PRKCH: variants seen among roughly 807,000 people sequenced by gnomAD.
PRKCH encodes protein kinase C eta.
Under a neutral mutation model 82.5 loss-of-function variants are expected in PRKCH, and 28 were observed. The ratio of observed to expected loss-of-function variants is 0.34; its 90% CI spans 0.25 to 0.47. The LOEUF (loss-of-function observed/expected upper bound fraction) is 0.47, where lower values mean the gene tolerates loss of function less well. Ranked by LOEUF, PRKCH falls within the 20% of genes least tolerant of loss-of-function variation. The pLI, the probability that PRKCH is intolerant of heterozygous loss-of-function variation, is 1.00. For synonymous variants in PRKCH, 322 were observed against 327.4 expected, an observed-to-expected ratio of 0.98 and a Z score of 0.18; for missense variants, 705 against 881.8, an observed-to-expected ratio of 0.80 and a Z score of 2.54.
At chr14:61,520,868 A>G (rs553877901) in intron 10 of PRKCH, among the ~76,000 whole-genome samples, 61 of 152,246 alleles carry the variant, frequency 4.0e-4, no homozygotes, top group Non-Finnish European at 7.2e-4. Context: ...GCCCTTTGAT[A>G]TGGCATTTCT....
At chr14:61,504,301 G>C (rs916854217) in intron 10 of PRKCH, among the ~76,000 whole-genome samples, 1 of 151,966 alleles carries the variant, frequency 6.6e-6, no homozygotes, top group Admixed American at 6.6e-5. Context: ...CCATTTTCCT[G>C]CTTCAGCCTC....
intron 10 of PRKCH, among the ~76,000 whole-genome samples, chr14:61,512,227 CT>C (rs746273718): frequency 2.7e-5 from 4 of 146,776 alleles, no homozygotes; most frequent in African/African-American, 5.1e-5. Flanking sequence ...CATCCTGAAA[CT>C]GGGCAGATGA....
intron 2 of PRKCH, among the ~76,000 whole-genome samples, chr14:61,427,703 C>T (rs1055057182): frequency 1.6e-4 from 25 of 152,096 alleles, no homozygotes; most frequent in African/African-American, 6.0e-4. Flanking sequence ...CCTTCTGCCT[C>T]AGCTGCCCAA....
chr14:61,549,922 C>T lies in PRKCH; in HGVS notation c.*91C>T. 7.1e-7 allele frequency: 1 copy of T among 1,401,932 alleles called. No individual in the cohort carries two copies. The allele number at this position is 1,401,932 out of a possible 1,614,324, so 86.8% of individuals were successfully genotyped here. A position where few individuals can be genotyped will look rare whatever the true frequency, so the allele number is the denominator to read the frequency against. On this transcript the variant is annotated 3_prime_UTR_variant, in exon 14 of 14. Transcript: ENST00000332981. The stretch of plus-strand genomic sequence containing the variant: ...TCTATGGGACCTTCCCAGCATCAGC[C>T]TTAGAACAAGAACCTTACCTTCAAG...
chr14:61,499,917 A>G (rs556006593), intron 10 of PRKCH, among the ~76,000 whole-genome samples: 1 of 151,650 alleles, frequency 6.6e-6, no homozygotes, highest in Non-Finnish European at 1.5e-5. Context: ...CTCTTACAAG[A>G]AAGCTGTGGA....
chr14:61,329,920 C>T (rs72728008), intron 1 of PRKCH, among the ~76,000 whole-genome samples: 8,633 of 152,174 alleles, frequency 0.057, 362 homozygotes, highest in Non-Finnish European at 0.074. Flanking sequence ...AAGATTCATC[C>T]GCTTGGCTCT....
At chr14:61,455,308 G>A (rs1178366714) in intron 7 of PRKCH, among the ~76,000 whole-genome samples, 2 of 151,734 alleles carry the variant, frequency 1.3e-5, no homozygotes, top group African/African-American at 4.8e-5. Flanking sequence ...CCAACGTGCT[G>A]GGATTACAGG....
chr14:61,341,310 G>A (rs536912306), intron 1 of PRKCH, among the ~76,000 whole-genome samples: 250 of 152,300 alleles, frequency 1.6e-3, no homozygotes, highest in African/African-American at 5.8e-3. Flanking sequence ...ATAAATGTTG[G>A]AGGAGGAAGG....
intron 1 of PRKCH, among the ~76,000 whole-genome samples, chr14:61,266,742 TA>T (rs1386928699): frequency 6.6e-6 from 1 of 152,230 alleles, no homozygotes. Context: ...TATATGCTGC[TA>T]ATGCACTTAT....
At chr14:61,289,017 A>G (rs2045338705) in intron 1 of PRKCH, among the ~76,000 whole-genome samples, 1 of 152,182 alleles carries the variant, frequency 6.6e-6, no homozygotes, top group Admixed American at 6.5e-5. Context: ...CAGGCAGGCC[A>G]TCTTCAGCAA....
chr14:61,198,256 T>C (rs1382361435), intron 1 of PRKCH, among the ~76,000 whole-genome samples: 1 of 152,194 alleles, frequency 6.6e-6, no homozygotes, highest in Non-Finnish European at 1.5e-5. Context: ...ACTGAATACA[T>C]TGTCCTTCAT....
At chr14:61,261,337 A>G (rs1234272177) in intron 1 of PRKCH, among the ~76,000 whole-genome samples, 1 of 152,234 alleles carries the variant, frequency 6.6e-6, no homozygotes, top group Non-Finnish European at 1.5e-5. Context: ...GCTGTATGAG[A>G]AACAGATGTA....
Position 61,280,068 on chromosome 14 carries a change from G to C in PRKCH, c.-19+92400G>C, listed in dbSNP as rs761089733. ...CTTGCAAGAGTTTTGGCAAGAAGCA[G>C]GAGGGATCCCTGGAAAGCCGGAATC... On this transcript the variant is annotated intron_variant, in intron 1 of 3. Transcript: ENST00000555185. The surrounding 1 kb of genome is among the most constrained non-coding windows in gnomAD (Gnocchi z 5.0). 5 of 1,582,780 alleles carry C rather than the reference G, an allele frequency of 3.2e-6. No homozygotes were observed. The highest frequency in any genetic ancestry group is 4.3e-6 in the Non-Finnish European group (5 of 1,164,672).
At chr14:61,250,938 T>A (rs1457040554) in intron 1 of PRKCH, among the ~76,000 whole-genome samples, 1 of 152,110 alleles carries the variant, frequency 6.6e-6, no homozygotes, top group African/African-American at 2.4e-5. Flanking sequence ...TAAAAAAAGA[T>A]ATAAAGGAAG....
At chr14:61,496,608 G>A (rs4243620) in intron 10 of PRKCH, among the ~76,000 whole-genome samples, 133,341 of 152,102 alleles carry the variant, frequency 0.88, 60,277 homozygotes, top group Non-Finnish European at 0.99. Flanking sequence ...ATGGCATCCC[G>A]TGAAACCCTT....
intron 1 of PRKCH, among the ~76,000 whole-genome samples, chr14:61,240,098 G>A (rs1279696690): frequency 6.6e-6 from 1 of 152,196 alleles, no homozygotes; most frequent in Non-Finnish European, 1.5e-5. Context: ...ATATCATGGT[G>A]ATACGGCTCC....
At chr14:61,351,942 T>C (rs8012072) in intron 1 of PRKCH, among the ~76,000 whole-genome samples, 118,267 of 152,004 alleles carry the variant, frequency 0.78, 46,524 homozygotes, top group Non-Finnish European at 0.83. Flanking sequence ...ACAACTCAGA[T>C]TAACCCTGGG....
chr14:61,535,769 G>A (rs1401159503), intron 12 of PRKCH, among the ~76,000 whole-genome samples: 2 of 152,214 alleles, frequency 1.3e-5, no homozygotes, highest in African/African-American at 4.8e-5. Context: ...CCAACAGACT[G>A]GAGTATTTGC....
rs112927191 is a variant in PRKCH, at chr14:61,431,020, C to T, written c.428-12091C>T. On this transcript the variant is annotated intron_variant, in intron 2 of 13. Transcript: ENST00000332981. ...CCGCCCGCCTCGGCCTCCCAAAATG[C>T]TGGGATTACAGGCGTGAGCCGCGGC... Among the ~76,000 whole-genome samples, 460 of 152,338 alleles carry T rather than the reference C, an allele frequency of 3.0e-3. 2 individuals carry two copies. The highest frequency in any genetic ancestry group is 0.011 in the African/African-American group (451 of 41,582).
Sources: allele counts gnomAD v4.1 joint callset (sites outside exome capture counted in the v4.1 genomes callset), GRCh38; gene constraint gnomAD v4.1.1; non-coding constraint Gnocchi (gnomAD v3.1); transcripts MANE v1.5; gene names NCBI Gene and HGNC (gene_info 2026-07-23, HGNC 2026-07-21).